SH2D6: variants seen among roughly 807,000 people sequenced by gnomAD.
SH2D6 encodes the protein SH2 domain containing 6.
Under a neutral mutation model 30.2 loss-of-function variants are expected in SH2D6, and 31 were observed. The observed-to-expected ratio is 1.03, with a 90% confidence interval of 0.77 to 1.38. The LOEUF (loss-of-function observed/expected upper bound fraction) is 1.38, where lower values mean the gene tolerates loss of function less well. Ranked by LOEUF, SH2D6 falls within the 40% of genes most tolerant of loss-of-function variation. The pLI is 0.00. For missense variants in SH2D6, 240 were observed against 266.8 expected, an observed-to-expected ratio of 0.90 and a Z score of 0.70; for synonymous variants, 93 against 104.6, an observed-to-expected ratio of 0.89 and a Z score of 0.68.
In SH2D6 at chr2:85,435,243, G is replaced by A. The variant is rs773275445; in HGVS notation, c.648+120G>A. 2.2e-5 allele frequency: 28 copies of A among 1,274,188 alleles called. No homozygotes were observed. In the East Asian group the frequency reaches 3.4e-4, roughly 15 times the overall value. 78.9% of individuals were successfully genotyped at this position (1,274,188 alleles called of 1,614,324 possible). A position where few individuals can be genotyped will look rare whatever the true frequency, so the allele number is the denominator to read the frequency against. ...CACTGCAAGAACACATTGAACACAC[G>A]TGTGCGGCACCCCGCCGTGCCCCAG... On this transcript the variant is annotated intron_variant, in intron 20 of 23. Coordinates refer to ENST00000469800, the MANE Select transcript of SH2D6 (RefSeq NM_001394463.1).
At chr2:85,434,554 G>A in intron 19 of SH2D6, 57 bp downstream of exon 19, 1 of 1,524,170 alleles carries the variant, frequency 6.6e-7, no homozygotes, top group Non-Finnish European at 8.8e-7. Context: ...TTCACAGTCA[G>A]TTACAGATCA....
intron 22 of SH2D6, 101 bp downstream of exon 22, chr2:85,435,925 T>G: frequency 7.1e-7 from 1 of 1,400,194 alleles, no homozygotes; most frequent in Non-Finnish European, 9.4e-7. Flanking sequence ...ATTTTGTATC[T>G]TTCTGGGGTG....
chr2:85,435,010 T>TCCCCCCCC, intron 19 of SH2D6, 55 bp from the exon 20 acceptor site: 1 of 1,530,094 alleles, frequency 6.5e-7, no homozygotes, highest in East Asian at 2.5e-5. Flanking sequence ...AAGCCACCTT[T>TCCCCCCCC]GCCCACCCCC....
At chr2:85,434,883 T>G in intron 19 of SH2D6, 182 bp from the exon 20 acceptor site, 2 of 1,559,666 alleles carry the variant, frequency 1.3e-6, no homozygotes, top group Non-Finnish European at 1.7e-6. Context: ...GAGGCCTGGC[T>G]GGTGGGTCCT....
Position 85,434,569 on chromosome 2 carries a change from C to G in SH2D6, c.589+72C>G, listed in dbSNP as rs1010539549. The stretch of plus-strand genomic sequence containing the variant: ...TTCACAGTCAGTTACAGATCAAACT[C>G]CTTGTTCTACCCTTTCCCCACTTCT... On this transcript the variant is annotated intron_variant, in intron 19 of 23. Transcript: ENST00000469800. The G allele has an allele frequency of 3.3e-6, 5 of 1,509,998 alleles. No individual in the cohort carries two copies. In the African/African-American group the frequency reaches 6.9e-5, roughly 21 times the overall value. 93.5% of individuals were successfully genotyped at this position (1,509,998 alleles called of 1,614,324 possible).
intron 14 of SH2D6, among the ~76,000 whole-genome samples, chr2:85,432,398 TG>T (rs1558760812): frequency 6.4e-5 from 9 of 140,618 alleles, no homozygotes; most frequent in Middle Eastern, 3.5e-3. Context: ...TTTTTTGTTT[TG>T]TTTTGTTTTG....
At chr2:85,432,547 C>T (rs1257834978) in intron 14 of SH2D6, among the ~76,000 whole-genome samples, 31 of 151,858 alleles carry the variant, frequency 2.0e-4, no homozygotes, top group Middle Eastern at 3.4e-3. Flanking sequence ...ACTACAGGCG[C>T]CCGCTACCAC....
intron 20 of SH2D6, 47 bp downstream of exon 20, chr2:85,435,170 G>A (rs766461890): frequency 4.5e-6 from 7 of 1,572,918 alleles, no homozygotes; most frequent in Non-Finnish European, 5.2e-6. Context: ...TCCGGGAGCA[G>A]AGCCTGAGAG....
At chr2:85,435,205 C>A in intron 20 of SH2D6, 82 bp downstream of exon 20, 1 of 1,436,920 alleles carries the variant, frequency 7.0e-7, no homozygotes, top group Non-Finnish European at 9.6e-7. Flanking sequence ...CCCTCTTGGG[C>A]TGAAGGGTGC....
In SH2D6 at chr2:85,432,515, C is replaced by T. The variant is rs1688843595; in HGVS notation, c.370+556C>T. Among the ~76,000 whole-genome samples, 5 of 151,838 alleles carry T rather than the reference C, an allele frequency of 3.3e-5. No homozygotes were observed. The South Asian group carries it at 1.0e-3, about 32-fold the overall frequency. On this transcript the variant is annotated intron_variant, in intron 14 of 23. Coordinates refer to ENST00000469800, the MANE Select transcript of SH2D6 (RefSeq NM_001394463.1). ...CCTGGGGTTCACGCCATTCTCCTGC[C>T]TCAGCCTCCCGAGTAGCTGGGACTA...
rs1465736041 is a variant in SH2D6, at chr2:85,418,731, G to A, written c.-992G>A. On this transcript the variant is annotated 5_prime_UTR_variant, in exon 1 of 24. In the 5' UTR this introduces an upstream ATG that the reference lacks. Transcript: ENST00000469800. ...AGCGGGCCGTTGGGCGGGGCCTTGG[G>A]TGCTGATCCGGACGCAAAGATTGCG... 5 of 152,282 alleles carry A rather than the reference G, an allele frequency of 3.3e-5. No individual in the cohort carries two copies. The highest frequency in any genetic ancestry group is 4.8e-5 in the African/African-American group (2 of 41,454). The allele number at this position is 152,282 out of a possible 1,614,324, so 9.4% of individuals were successfully genotyped here. A position where few individuals can be genotyped will look rare whatever the true frequency, so the allele number is the denominator to read the frequency against.
chr2:85,434,701 GC>G, intron 19 of SH2D6: 3 of 1,393,240 alleles, frequency 2.2e-6, no homozygotes, highest in Non-Finnish European at 2.8e-6. Context: ...CCCAGCCCCA[GC>G]CCTGCAGGCC....
intron 22 of SH2D6, among the ~76,000 whole-genome samples, chr2:85,436,131 C>T (rs201918841): frequency 3.9e-5 from 6 of 152,140 alleles, no homozygotes; most frequent in East Asian, 3.9e-4. Context: ...GACTCAATGT[C>T]GCACCCAGCA....
intron 19 of SH2D6, 162 bp from the exon 20 acceptor site, chr2:85,434,903 C>A: frequency 6.3e-7 from 1 of 1,588,080 alleles, no homozygotes; most frequent in South Asian, 1.2e-5. Context: ...TGCCAGGGCA[C>A]TGGATCTGGA....
chr2:85,435,499 G>A lies in SH2D6; in HGVS notation c.732+3G>A. The stretch of plus-strand genomic sequence containing the variant: ...GTGCCCTGCTCCACTTACAAAAGGT[G>A]GGCAGCCACGGACCCCGGGTCTTCT... On this transcript the variant is annotated splice_donor_region_variant and intron_variant, in intron 21 of 23. Coordinates refer to ENST00000469800, the MANE Select transcript of SH2D6 (RefSeq NM_001394463.1). 1 of 1,613,024 alleles carries A rather than the reference G, an allele frequency of 6.2e-7. No homozygotes were observed. The highest frequency in any genetic ancestry group is 2.2e-5 in the East Asian group (1 of 44,884).
chr2:85,433,164 G>C (rs550917181), intron 15 of SH2D6, 43 bp downstream of exon 15: 4 of 954,946 alleles, frequency 4.2e-6, no homozygotes, highest in South Asian at 9.7e-5. Context: ...CAGGCTTCTG[G>C]TTAAGAAACT....
intron 2 of SH2D6, among the ~76,000 whole-genome samples, chr2:85,420,455 C>T (rs1687708092): frequency 6.6e-6 from 1 of 152,194 alleles, no homozygotes; most frequent in Non-Finnish European, 1.5e-5. Flanking sequence ...ATCTTATTAT[C>T]AGAATGTGAG....
In SH2D6 at chr2:85,436,938, T is replaced by A. The variant is rs1018046731; in HGVS notation, c.*114T>A. 3 of 234,506 alleles carry A rather than the reference T, an allele frequency of 1.3e-5. No homozygotes were observed. The highest frequency in any genetic ancestry group is 6.8e-5 in the African/African-American group (3 of 44,052). The allele number at this position is 234,506 out of a possible 1,614,324, so 14.5% of individuals were successfully genotyped here. A position where few individuals can be genotyped will look rare whatever the true frequency, so the allele number is the denominator to read the frequency against. On this transcript the variant is annotated 3_prime_UTR_variant, in exon 24 of 24. Coordinates refer to ENST00000469800, the MANE Select transcript of SH2D6 (RefSeq NM_001394463.1). Reference sequence around the variant, plus strand: ...CAGGCACTGCTGGAACAGCAAAGGATCCTCTCACATCTACTTGTGGGCCTA... The same window carrying A: ...CAGGCACTGCTGGAACAGCAAAGGAACCTCTCACATCTACTTGTGGGCCTA...
intron 13 of SH2D6, among the ~76,000 whole-genome samples, chr2:85,431,642 C>A (rs181787246): frequency 6.6e-6 from 1 of 152,338 alleles, no homozygotes; most frequent in Non-Finnish European, 1.5e-5. Context: ...GCTCCCATTC[C>A]CACCTTTATC....
Sources: gnomAD v4.1 joint callset for allele counts (sites outside exome capture counted in the v4.1 genomes callset) on GRCh38, gnomAD v4.1.1 for gene constraint, MANE v1.5 for transcripts, NCBI Gene and HGNC (gene_info 2026-07-23, HGNC 2026-07-21) for gene names.